The following ZNF146 variants were observed in gnomAD, a reference collection of about 807,000 sequenced individuals.
The protein encoded by ZNF146 is zinc finger protein 146.
Under a neutral mutation model 22.2 loss-of-function variants are expected in ZNF146, and 9 were observed. That is an observed-to-expected ratio of 0.41 (90% CI 0.24 to 0.71). The LOEUF is 0.71. ZNF146 is among the 30% of genes least tolerant of loss of function. The probability of loss-of-function intolerance (pLI) is 0.34; values close to 1 mark genes in which losing one functional copy is unlikely to be tolerated. For synonymous variants in ZNF146, 108 were observed against 119.2 expected (o/e 0.91, Z 0.61); for missense variants, 194 against 344.8 (o/e 0.56, Z 3.46).
At chr19:36,218,871 C>A (rs889060646) in intron 2 of ZNF146, among the ~76,000 whole-genome samples, 2 of 150,136 alleles carry the variant, frequency 1.3e-5, no homozygotes, top group Non-Finnish European at 3.0e-5. Flanking sequence ...TGCAGTGGTG[C>A]TATCTTGGCT....
intron 2 of ZNF146, among the ~76,000 whole-genome samples, chr19:36,218,941 T>C (rs1213292970): frequency 6.6e-6 from 1 of 151,752 alleles, no homozygotes; most frequent in Non-Finnish European, 1.5e-5. Flanking sequence ...CCCAAGTAGC[T>C]GGGACTACGG....
At chr19:36,222,591 C>T (rs1976894041) in intron 2 of ZNF146, among the ~76,000 whole-genome samples, 1 of 152,100 alleles carries the variant, frequency 6.6e-6, no homozygotes, top group Non-Finnish European at 1.5e-5. Flanking sequence ...ATCTGAACTT[C>T]AGTGTAGGTT....
At chr19:36,223,687 C>CTGAA (rs371526880) in intron 2 of ZNF146, among the ~76,000 whole-genome samples, 152,166 of 152,170 alleles carry the variant, frequency 1, 76,081 homozygotes, top group Non-Finnish European at 1. Flanking sequence ...TTATGGTTAT[C>CTGAA]AGACTTTTCC....
At chr19:36,232,645 G>T (rs1297032323) in intron 3 of ZNF146, among the ~76,000 whole-genome samples, 2 of 135,174 alleles carry the variant, frequency 1.5e-5, no homozygotes, top group African/African-American at 5.6e-5. Flanking sequence ...GTCTCCCTCT[G>T]TCACCCAGGC....
At chr19:36,231,588 T>C (rs1424757083) in intron 3 of ZNF146, among the ~76,000 whole-genome samples, 3 of 152,180 alleles carry the variant, frequency 2.0e-5, no homozygotes, top group Non-Finnish European at 4.4e-5. Context: ...TTACACAACT[T>C]TACCTGTTTA....
intron 1 of ZNF146, among the ~76,000 whole-genome samples, chr19:36,217,165 C>T (rs549555589): frequency 1.4e-5 from 2 of 143,424 alleles, no homozygotes; most frequent in South Asian, 2.2e-4. Flanking sequence ...CAGGTTCAAG[C>T]GATTCTCTTG....
intron 2 of ZNF146, among the ~76,000 whole-genome samples, chr19:36,221,093 G>A (rs562891763): frequency 1.3e-5 from 2 of 150,540 alleles, no homozygotes; most frequent in African/African-American, 4.9e-5. Context: ...CTTCCTACTC[G>A]TCTTGGCCTC....
chr19:36,233,058 C>T (rs909681788), intron 3 of ZNF146, among the ~76,000 whole-genome samples: 1 of 152,152 alleles, frequency 6.6e-6, no homozygotes, highest in African/African-American at 2.4e-5. Context: ...TGTTTTACTT[C>T]TAAAAAATTA....
rs1977683803 is a variant in ZNF146 at position 36,237,394 on chromosome 19, CTT to C, written c.*76_*77del. 8 of 1,392,670 alleles carry C rather than the reference CTT, an allele frequency of 5.7e-6. No homozygotes were observed. Among genetic ancestry groups the C allele is most frequent in the Non-Finnish European group, 6.7e-6 (7 of 1,037,414 alleles). The allele number at this position is 1,392,670 out of a possible 1,614,324, so 86.3% of individuals were successfully genotyped here. A position where few individuals can be genotyped will look rare whatever the true frequency, so the allele number is the denominator to read the frequency against. Reference sequence around the variant, plus strand: ...ACCTCATCATGCCCCAGAAATAATCCTTCTGAAGCAAAGCACCACGAATGAGG... The same window carrying C: ...ACCTCATCATGCCCCAGAAATAATCCCTGAAGCAAAGCACCACGAATGAGG... On this transcript the variant is annotated 3_prime_UTR_variant, in exon 4 of 4. Transcript: ENST00000443387.
At chr19:36,232,925 A>C (rs1977450961) in intron 3 of ZNF146, among the ~76,000 whole-genome samples, 2 of 152,146 alleles carry the variant, frequency 1.3e-5, no homozygotes, top group Non-Finnish European at 2.9e-5. Context: ...AAATATAACA[A>C]ATGCTGAAGG....
chr19:36,217,810 G>A (rs777285899), intron 1 of ZNF146, among the ~76,000 whole-genome samples: 4 of 151,734 alleles, frequency 2.6e-5, no homozygotes, highest in Admixed American at 6.6e-5. Context: ...GCTTGAACCC[G>A]GGAGGCGGAG....
chr19:36,237,945 A>G lies in ZNF146; in HGVS notation c.*626A>G, dbSNP rs984467631. 7 of 167,200 alleles carry G rather than the reference A, an allele frequency of 4.2e-5. No individual in the cohort carries two copies. Among genetic ancestry groups the G allele is most frequent in the African/African-American group, 1.4e-4 (6 of 41,590 alleles). 10.4% of individuals were successfully genotyped at this position (167,200 alleles called of 1,614,324 possible). On this transcript the variant is annotated 3_prime_UTR_variant, in exon 4 of 4. Transcript: ENST00000443387. ...ATGGAAAAGCTATGTACTAAAATGC[A>G]TATGACCTTGGGAATAGGGAAACAT...
At chr19:36,217,309 C>T (rs912959291) in intron 1 of ZNF146, among the ~76,000 whole-genome samples, 1 of 151,462 alleles carries the variant, frequency 6.6e-6, no homozygotes, top group Non-Finnish European at 1.5e-5. Context: ...GTGATCGGCC[C>T]GCCTCGGCTT....
intron 2 of ZNF146, among the ~76,000 whole-genome samples, chr19:36,227,558 T>G (rs980446791): frequency 2.6e-5 from 4 of 151,948 alleles, no homozygotes; most frequent in African/African-American, 9.7e-5. Context: ...TTAAAAATGT[T>G]TTTTGAACTA....
intron 2 of ZNF146, among the ~76,000 whole-genome samples, chr19:36,224,912 A>T (rs768799601): frequency 2.0e-5 from 3 of 152,154 alleles, no homozygotes; most frequent in Non-Finnish European, 4.4e-5. Flanking sequence ...GTTGCTATGA[A>T]TGGAGTCATT....
At chr19:36,227,602 CT>C (rs1485365363) in intron 2 of ZNF146, among the ~76,000 whole-genome samples, 1 of 151,974 alleles carries the variant, frequency 6.6e-6, no homozygotes, top group Non-Finnish European at 1.5e-5. Context: ...TGTTGCTTTT[CT>C]TTTTTATGAC....
chr19:36,217,306 G>T (rs1446609149), intron 1 of ZNF146, among the ~76,000 whole-genome samples: 1 of 151,510 alleles, frequency 6.6e-6, no homozygotes, highest in Non-Finnish European at 1.5e-5. Flanking sequence ...CAAGTGATCG[G>T]CCCGCCTCGG....
At chr19:36,227,888 C>T (rs1977144679) in intron 2 of ZNF146, among the ~76,000 whole-genome samples, 1 of 152,136 alleles carries the variant, frequency 6.6e-6, no homozygotes, top group Non-Finnish European at 1.5e-5. Flanking sequence ...GGACACGGCA[C>T]GGTGGCTTAC....
intron 2 of ZNF146, among the ~76,000 whole-genome samples, chr19:36,223,820 G>A (rs1460565311): frequency 6.6e-6 from 1 of 151,624 alleles, no homozygotes; most frequent in Non-Finnish European, 1.5e-5. Flanking sequence ...GATCACAGCT[G>A]ACTGCAGCCT....
Sources: gnomAD v4.1 joint callset for allele counts (sites outside exome capture counted in the v4.1 genomes callset) on GRCh38, gnomAD v4.1.1 for gene constraint, MANE v1.5 for transcripts, NCBI Gene and HGNC (gene_info 2026-07-23, HGNC 2026-07-21) for gene names.